The following PTPRT variants were observed in gnomAD, a reference collection of about 807,000 sequenced individuals.
The protein encoded by PTPRT is protein tyrosine phosphatase receptor type T.
A neutral mutation model predicts 176.8 loss-of-function variants in PTPRT; 56 were observed. That is an observed-to-expected ratio of 0.32 (90% confidence interval 0.26 to 0.40). The LOEUF (loss-of-function observed/expected upper bound fraction) is 0.40. Among genes scored for constraint, PTPRT ranks in the 10% least tolerant of loss-of-function variants. The probability of loss-of-function intolerance (pLI) is 1.00; values close to 1 mark genes in which losing one functional copy is unlikely to be tolerated. For synonymous variants in PTPRT, 783 were observed against 739.0 expected (o/e 1.06, Z -0.96); for missense variants, 1,540 against 1,908.2 (o/e 0.81, Z 3.60).
At chr20:42,060,703 TAAGTTCCATGTG>T in the PTPRT span, among the ~76,000 whole-genome samples, 1 of 152,244 alleles carries the variant, frequency 6.6e-6, no homozygotes, top group African/African-American at 2.4e-5. Flanking sequence ...TGTGGACCTG[TAAGTTCCATGTG>T]GAACTTTCTT....
At chr20:42,344,447 T>C (rs886147933) in intron 11 of PTPRT, among the ~76,000 whole-genome samples, 1 of 152,172 alleles carries the variant, frequency 6.6e-6, no homozygotes, top group African/African-American at 2.4e-5. Flanking sequence ...ATAATGGTCT[T>C]AGGTCTGAGT....
At chr20:42,504,928 T>C (rs1443992209) in intron 7 of PTPRT, among the ~76,000 whole-genome samples, 1 of 152,188 alleles carries the variant, frequency 6.6e-6, no homozygotes, top group Non-Finnish European at 1.5e-5. Context: ...AAGTTATGCA[T>C]ACACATCTGT....
chr20:42,179,334 C>T (rs1395820408), intron 16 of PTPRT, among the ~76,000 whole-genome samples: 1 of 152,208 alleles, frequency 6.6e-6, no homozygotes, highest in African/African-American at 2.4e-5. Flanking sequence ...ACCCTCTTTA[C>T]ACTTTTCCAA....
At chr20:42,064,019 C>T in the PTPRT span, 1 of 150,720 alleles carries the variant, frequency 6.6e-6, no homozygotes, top group African/African-American at 2.4e-5. Context: ...AGGAGTTTTC[C>T]CTGTCATTTT....
At chr20:42,458,568 T>C (rs2145882578) in intron 8 of PTPRT, among the ~76,000 whole-genome samples, 1 of 152,308 alleles carries the variant, frequency 6.6e-6, no homozygotes, top group Non-Finnish European at 1.5e-5. Context: ...CCTGGCCCCA[T>C]TGCATTCACT....
chr20:42,477,745 T>C lies in PTPRT; in HGVS notation c.1154-5183A>G, dbSNP rs996191991. Among the ~76,000 whole-genome samples the C allele has an allele frequency of 3.3e-5, 5 of 152,172 alleles. No individual in the cohort carries two copies. The East Asian group carries it at 9.6e-4, about 29-fold the overall frequency. On this transcript the variant is annotated intron_variant, in intron 7 of 30. Transcript: ENST00000373187. ...AGTAATAGCCCACAGGCCAAGAAGATGACAAACAGTGGGAAGAGTGTGGCT... is the reference window on the plus strand; with the variant it reads ...AGTAATAGCCCACAGGCCAAGAAGACGACAAACAGTGGGAAGAGTGTGGCT...
chr20:42,112,993 A>ATCCTCTG (rs1390935674), intron 22 of PTPRT, among the ~76,000 whole-genome samples: 1 of 152,138 alleles, frequency 6.6e-6, no homozygotes. Flanking sequence ...TTTATCAAGG[A>ATCCTCTG]TCCTCTCTCC....
At chr20:42,515,819 G>C (rs1402129169) in intron 7 of PTPRT, among the ~76,000 whole-genome samples, 1 of 151,056 alleles carries the variant, frequency 6.6e-6, no homozygotes, top group East Asian at 1.9e-4. Context: ...GTTTATTGCG[G>C]CATTATTCAC....
At chr20:42,035,741 G>A in the PTPRT span, among the ~76,000 whole-genome samples, 1 of 152,188 alleles carries the variant, frequency 6.6e-6, no homozygotes, top group African/African-American at 2.4e-5. Flanking sequence ...TACAAAATAG[G>A]CACTCAGTAA....
intron 18 of PTPRT, among the ~76,000 whole-genome samples, chr20:42,135,212 C>T (rs1988315827): frequency 6.6e-6 from 1 of 152,228 alleles, no homozygotes; most frequent in Non-Finnish European, 1.5e-5. Context: ...AGGTTACCAC[C>T]TCCCCTGAGC....
intron 9 of PTPRT, among the ~76,000 whole-genome samples, chr20:42,404,874 T>C (rs553978178): frequency 3.9e-4 from 59 of 150,888 alleles, no homozygotes; most frequent in African/African-American, 1.3e-3. Context: ...TAAAAACAAC[T>C]GAAGTATGAG....
At chr20:42,157,625 C>A (rs948705709) in intron 17 of PTPRT, among the ~76,000 whole-genome samples, 2 of 133,684 alleles carry the variant, frequency 1.5e-5, no homozygotes, top group Non-Finnish European at 3.4e-5. Context: ...GGATTTTCTT[C>A]CCCCCCCAAT....
chr20:42,308,398 C>A (rs927521673), intron 12 of PTPRT, among the ~76,000 whole-genome samples: 1 of 151,926 alleles, frequency 6.6e-6, no homozygotes, highest in Admixed American at 6.6e-5. Flanking sequence ...TGAGTCAAGG[C>A]GGTCATCAGC....
chr20:43,072,646 ATT>A (rs2011196564), intron 1 of PTPRT, among the ~76,000 whole-genome samples: 1 of 152,106 alleles, frequency 6.6e-6, no homozygotes, highest in Non-Finnish European at 1.5e-5. Context: ...CCCAAACTGC[ATT>A]TGTTTCTGAT....
intron 18 of PTPRT, among the ~76,000 whole-genome samples, chr20:42,141,451 T>A (rs1398330443): frequency 2.0e-5 from 3 of 152,260 alleles, no homozygotes; most frequent in Admixed American, 1.3e-4. Context: ...TCCTAGCCCC[T>A]CCCTCACAGG....
intron 1 of PTPRT, among the ~76,000 whole-genome samples, chr20:43,155,346 A>AT (rs1443343970): frequency 1.7e-4 from 26 of 152,372 alleles, no homozygotes. Context: ...CCATTCAGCC[A>AT]TATCAAGGAT....
chr20:43,182,133 T>A (rs770003308), intron 1 of PTPRT, among the ~76,000 whole-genome samples: 4 of 152,200 alleles, frequency 2.6e-5, no homozygotes, highest in Non-Finnish European at 5.9e-5. Context: ...AAGGGATGAC[T>A]ACATAACCAC....
chr20:42,254,271 G>A (rs1213122713), intron 13 of PTPRT, among the ~76,000 whole-genome samples: 6 of 152,160 alleles, frequency 3.9e-5, no homozygotes, highest in Non-Finnish European at 7.3e-5. Context: ...GTGAAGACAG[G>A]CCATGAGCCT....
At chr20:42,992,663 T>G (rs1983984988) in intron 1 of PTPRT, among the ~76,000 whole-genome samples, 1 of 152,244 alleles carries the variant, frequency 6.6e-6, no homozygotes, top group African/African-American at 2.4e-5. Context: ...CAGTTACCTA[T>G]TGCTGCATAA....
Sources: gnomAD v4.1 joint callset for allele counts (sites outside exome capture counted in the v4.1 genomes callset) on GRCh38, gnomAD v4.1.1 for gene constraint, MANE v1.5 for transcripts, NCBI Gene and HGNC (gene_info 2026-07-23, HGNC 2026-07-21) for gene names.